The following CNDP1 variants were observed in gnomAD, a reference collection of about 807,000 sequenced individuals.
CNDP1 encodes beta-Ala-His dipeptidase.
In CNDP1, 44 loss-of-function variants were observed where a neutral mutation model predicts 58.1. The observed-to-expected ratio is 0.76, with a 90% CI of 0.60 to 0.97. The LOEUF is 0.97. Ranked by LOEUF, CNDP1 falls within the 50% of genes least tolerant of loss-of-function variation. CNDP1 has a pLI of 0.00. For missense variants in CNDP1, 616 were observed against 655.1 expected, an observed-to-expected ratio of 0.94 and a Z score of 0.65; for synonymous variants, 254 against 252.6, an observed-to-expected ratio of 1.01 and a Z score of -0.05.
chr18:74,575,430 C>T (rs552431066), intron 7 of CNDP1, among the ~76,000 whole-genome samples: 14 of 152,304 alleles, frequency 9.2e-5, no homozygotes, highest in African/African-American at 3.4e-4. Context: ...AGTGGGGACT[C>T]ATTAAGCTGC....
At position 74,584,615 on chromosome 18, in the gene CNDP1, C is replaced by A. The variant is rs188035914; in HGVS notation, c.*53C>A. 2 of 1,324,060 alleles carry A rather than the reference C, an allele frequency of 1.5e-6. No individual in the cohort carries two copies. The highest frequency in any genetic ancestry group is 1.4e-5 in the African/African-American group (1 of 69,190). The allele number at this position is 1,324,060 out of a possible 1,614,324, so 82.0% of individuals were successfully genotyped here. A position where few individuals can be genotyped will look rare whatever the true frequency, so the allele number is the denominator to read the frequency against. ...TCCACTGACAGATTCACCTCCCCCA[C>A]ATCCCTAGACAGGGATGGAATGTAA... On this transcript the variant is annotated 3_prime_UTR_variant, in exon 12 of 12. Transcript: ENST00000358821.
chr18:74,579,222 T>C (rs897455748), intron 9 of CNDP1, among the ~76,000 whole-genome samples: 10 of 91,432 alleles, frequency 1.1e-4, no homozygotes, highest in South Asian at 4.4e-4. Flanking sequence ...TCCCTTCCCT[T>C]CCCTTCCCTC....
chr18:74,576,752 C>T, intron 7 of CNDP1, 117 bp from the exon 8 acceptor site: 1 of 874,454 alleles, frequency 1.1e-6, no homozygotes, highest in Non-Finnish European at 1.7e-6. Flanking sequence ...CCACGGGGAC[C>T]CAGACAGTCA....
chr18:74,576,757 C>G (rs571544572), intron 7 of CNDP1, 112 bp from the exon 8 acceptor site: 2 of 915,306 alleles, frequency 2.2e-6, no homozygotes, highest in Admixed American at 2.7e-5. Context: ...GGGACCCAGA[C>G]AGTCAAGAGG....
At chr18:74,550,463 T>C (rs1417704322) in intron 1 of CNDP1, among the ~76,000 whole-genome samples, 6 of 152,192 alleles carry the variant, frequency 3.9e-5, no homozygotes, top group Non-Finnish European at 1.5e-5. Flanking sequence ...CTTGTTTTGA[T>C]TTTACAGGCT....
At position 74,571,273 on chromosome 18, in the gene CNDP1, A is replaced by G. The variant is rs761248845; in HGVS notation, c.841+3A>G. On this transcript the variant is annotated splice_donor_region_variant and intron_variant, in intron 7 of 11. Coordinates refer to ENST00000358821, the MANE Select transcript of CNDP1 (RefSeq NM_032649.6). ...GGCTGATCTGGTTGCTCTTCTCGGTAATGCCTTATTTTGTTTCACTTTTTA... is the reference window on the plus strand; with the variant it reads ...GGCTGATCTGGTTGCTCTTCTCGGTGATGCCTTATTTTGTTTCACTTTTTA... 2.5e-6 allele frequency: 4 copies of G among 1,597,772 alleles called. No individual in the cohort carries two copies. Among genetic ancestry groups the G allele is most frequent in the Non-Finnish European group, 1.7e-6 (2 of 1,165,364 alleles).
chr18:74,548,638 G>A (rs191515103), intron 1 of CNDP1, among the ~76,000 whole-genome samples: 157 of 152,304 alleles, frequency 1.0e-3, no homozygotes, highest in African/African-American at 3.7e-3. Flanking sequence ...AGGCAACTTC[G>A]GAACTCAGTA....
chr18:74,583,417 C>T lies in CNDP1; in HGVS notation c.1310-144C>T, dbSNP rs1012164732. 3.0e-5 allele frequency: 20 copies of T among 674,374 alleles called. No individual in the cohort carries two copies. In the African/African-American group the frequency reaches 3.6e-4, roughly 12 times the overall value. 41.8% of individuals were successfully genotyped at this position (674,374 alleles called of 1,614,324 possible). Reference sequence around the variant, plus strand: ...GCATGATATCAAGGGGCTTCCTTACCCCAAAGCACCAAATCTAATGGTAAA... The same window carrying T: ...GCATGATATCAAGGGGCTTCCTTACTCCAAAGCACCAAATCTAATGGTAAA... On this transcript the variant is annotated intron_variant, in intron 10 of 11. Coordinates refer to ENST00000358821, the MANE Select transcript of CNDP1 (RefSeq NM_032649.6).
intron 5 of CNDP1, among the ~76,000 whole-genome samples, chr18:74,563,200 C>G (rs1285147680): frequency 6.6e-6 from 1 of 152,166 alleles, no homozygotes; most frequent in African/African-American, 2.4e-5. Context: ...TGACTTCACT[C>G]CTGAGTCTCA....
chr18:74,579,212 TCCCTTC>T (rs1322542038), intron 9 of CNDP1, among the ~76,000 whole-genome samples: 1 of 48,646 alleles, frequency 2.1e-5, no homozygotes, highest in Non-Finnish European at 4.5e-5. Flanking sequence ...TGCCTTCCCT[TCCCTTC>T]CCTTCCCTTC....
intron 1 of CNDP1, among the ~76,000 whole-genome samples, chr18:74,538,913 G>A (rs1003088946): frequency 6.6e-6 from 1 of 152,120 alleles, no homozygotes; most frequent in Admixed American, 6.5e-5. Flanking sequence ...TCAACTTCGA[G>A]TATAAAAAGT....
At chr18:74,558,330 G>A (rs1346050809) in intron 2 of CNDP1, among the ~76,000 whole-genome samples, 1 of 151,736 alleles carries the variant, frequency 6.6e-6, no homozygotes, top group South Asian at 2.1e-4. Flanking sequence ...TGGGCACTGT[G>A]CACACGTTAC....
intron 1 of CNDP1, among the ~76,000 whole-genome samples, chr18:74,540,538 A>G (rs1478497301): frequency 6.6e-6 from 1 of 152,146 alleles, no homozygotes; most frequent in Non-Finnish European, 1.5e-5. Flanking sequence ...TATGTGACAT[A>G]AGAGGGAATG....
Position 74,534,635 on chromosome 18 carries a change from G to A in CNDP1, c.-33G>A, listed in dbSNP as rs199992541. On this transcript the variant is annotated 5_prime_UTR_variant, in exon 1 of 12. Transcript: ENST00000358821. ...CTCTGCCACATTTTTTGGAGGTTGGGAAAGTTGCTAGAGGCTTCAGAACTC... is the reference window on the plus strand; with the variant it reads ...CTCTGCCACATTTTTTGGAGGTTGGAAAAGTTGCTAGAGGCTTCAGAACTC... 6.2e-7 allele frequency: 1 copy of A among 1,613,846 alleles called. No homozygotes were observed. Among genetic ancestry groups the A allele is most frequent in the Non-Finnish European group, 8.5e-7 (1 of 1,179,764 alleles).
At chr18:74,578,589 T>G (rs1360324945) in intron 9 of CNDP1, among the ~76,000 whole-genome samples, 1 of 152,138 alleles carries the variant, frequency 6.6e-6, no homozygotes, top group East Asian at 1.9e-4. Context: ...ATAGCACCAC[T>G]GCACTCCAGC....
At chr18:74,577,296 T>C (rs1464531763) in intron 8 of CNDP1, 7 of 278,088 alleles carry the variant, frequency 2.5e-5, no homozygotes, top group Admixed American at 5.3e-5. Flanking sequence ...TCCAAAGCTG[T>C]TCATTAACCT....
At position 74,563,685 on chromosome 18, in the gene CNDP1, C is replaced by G. The variant is rs572894109; in HGVS notation, c.555+1550C>G. ...TGTTCCTTTCTTCCTCCCTCCCTCCCTTCTTCTCTGCCTGCCTTGCCTACA... is the reference window on the plus strand; with the variant it reads ...TGTTCCTTTCTTCCTCCCTCCCTCCGTTCTTCTCTGCCTGCCTTGCCTACA... On this transcript the variant is annotated intron_variant, in intron 5 of 11. Transcript: ENST00000358821. Among the ~76,000 whole-genome samples the G allele has an allele frequency of 1.5e-4, 23 of 152,262 alleles. 1 individual carries two copies. The highest frequency in any genetic ancestry group is 5.3e-4 in the African/African-American group (22 of 41,572).
At chr18:74,565,231 CTACAGTTCAAGT>C (rs1439639369) in intron 5 of CNDP1, among the ~76,000 whole-genome samples, 53 of 152,284 alleles carry the variant, frequency 3.5e-4, no homozygotes, top group African/African-American at 1.2e-3. Context: ...ATTCTGGGAG[CTACAGTTCAAGT>C]TGAGATTTGG....
chr18:74,575,215 A>G (rs1363100891), intron 7 of CNDP1, among the ~76,000 whole-genome samples: 1 of 152,262 alleles, frequency 6.6e-6, no homozygotes, highest in African/African-American at 2.4e-5. Flanking sequence ...CTCCCAGTCC[A>G]GCAATAGGGA....
Sources: gnomAD v4.1 joint callset for allele counts (sites outside exome capture counted in the v4.1 genomes callset) on GRCh38, gnomAD v4.1.1 for gene constraint, MANE v1.5 for transcripts, NCBI Gene and HGNC (gene_info 2026-07-23, HGNC 2026-07-21) for gene names.